GPC6: variants seen among roughly 807,000 people sequenced by gnomAD.
The protein encoded by GPC6 is glypican-6.
GPC6 carries 14 observed loss-of-function variants against 55.2 expected under a neutral mutation model. That is an observed-to-expected ratio of 0.25 (90% CI 0.17 to 0.40). The LOEUF is 0.40. Among genes scored for constraint, GPC6 ranks in the 10% least tolerant of loss-of-function variants. The pLI is 1.00. For synonymous variants in GPC6, 278 were observed against 259.6 expected (o/e 1.07, Z -0.68); for missense variants, 641 against 708.5 (o/e 0.90, Z 1.08).
At chr13:93,546,732 T>A (rs1416810542) in intron 2 of GPC6, among the ~76,000 whole-genome samples, 1 of 152,198 alleles carries the variant, frequency 6.6e-6, no homozygotes, top group Admixed American at 6.5e-5. Flanking sequence ...ACTCTGTGTT[T>A]GGAGGACTAC....
chr13:93,337,955 G>A (rs1188026356), intron 1 of GPC6, among the ~76,000 whole-genome samples: 2 of 152,132 alleles, frequency 1.3e-5, no homozygotes, highest in Non-Finnish European at 2.9e-5. Context: ...AATTCTCAGC[G>A]GAATTAAATT....
At chr13:93,969,179 T>C (rs1337835) in intron 3 of GPC6, among the ~76,000 whole-genome samples, 1 of 151,958 alleles carries the variant, frequency 6.6e-6, no homozygotes, top group Admixed American at 6.6e-5. Flanking sequence ...TATGGCAGCT[T>C]AGTAGTTTAA....
chr13:94,349,565 G>C, intron 6 of GPC6, among the ~76,000 whole-genome samples: 1 of 152,122 alleles, frequency 6.6e-6, no homozygotes, highest in East Asian at 1.9e-4. Context: ...GACTTTTCCA[G>C]CTTCCCATCC....
intron 4 of GPC6, among the ~76,000 whole-genome samples, chr13:94,121,278 G>A (rs1886620755): frequency 6.6e-6 from 1 of 152,120 alleles, no homozygotes; most frequent in South Asian, 2.1e-4. Context: ...GGGCCCTGTA[G>A]AAGCACAGGA....
chr13:94,290,292 G>A (rs1594136867), intron 5 of GPC6, among the ~76,000 whole-genome samples: 1 of 151,840 alleles, frequency 6.6e-6, no homozygotes. Context: ...GTGGTGGTAT[G>A]AGCCTGTAGT....
chr13:93,543,477 A>C (rs1366107613), intron 1 of GPC6, among the ~76,000 whole-genome samples: 2 of 151,900 alleles, frequency 1.3e-5, no homozygotes, highest in African/African-American at 4.8e-5. Flanking sequence ...ATATTGGTCT[A>C]AAATTCTCTT....
intron 4 of GPC6, among the ~76,000 whole-genome samples, chr13:94,122,410 A>G (rs984458229): frequency 6.6e-6 from 1 of 152,088 alleles, no homozygotes; most frequent in Admixed American, 6.6e-5. Context: ...CATTTACTCA[A>G]TATTTTAAAG....
At position 93,355,234 on chromosome 13, in the gene GPC6, G is replaced by A. The variant is rs554469067; in HGVS notation, c.160+127618G>A. On this transcript the variant is annotated intron_variant, in intron 1 of 8. Transcript: ENST00000377047. The stretch of plus-strand genomic sequence containing the variant: ...TTGTACTCAAGATAAAAGCATTTTC[G>A]GGGGATAAATAGCCATTTTCTGCTG... Among the ~76,000 whole-genome samples, 11 of 152,200 alleles carry A rather than the reference G, an allele frequency of 7.2e-5. No homozygotes were observed. In the South Asian group the frequency reaches 1.5e-3, roughly 20 times the overall value.
intron 3 of GPC6, among the ~76,000 whole-genome samples, chr13:93,857,867 A>G (rs112558382): frequency 0.013 from 2,016 of 151,626 alleles, 25 homozygotes; most frequent in Non-Finnish European, 0.021. Flanking sequence ...AATACAGACT[A>G]TAAATAATAT....
At chr13:93,423,956 G>A (rs554238585) in intron 1 of GPC6, among the ~76,000 whole-genome samples, 27 of 152,170 alleles carry the variant, frequency 1.8e-4, no homozygotes, top group South Asian at 1.2e-3. Flanking sequence ...TACAACTTCC[G>A]TATCTGGTGG....
At chr13:93,485,046 T>C (rs1437269758) in intron 1 of GPC6, among the ~76,000 whole-genome samples, 2 of 152,186 alleles carry the variant, frequency 1.3e-5, no homozygotes, top group African/African-American at 4.8e-5. Context: ...TATTTACAGC[T>C]TGATGTGATA....
At chr13:93,216,879 G>T in the GPC6 span, among the ~76,000 whole-genome samples, 1 of 152,110 alleles carries the variant, frequency 6.6e-6, no homozygotes, top group East Asian at 1.9e-4. Flanking sequence ...AATAAAGGAG[G>T]TTCCATTTCT....
chr13:93,578,317 G>A (rs1876764686), intron 2 of GPC6, among the ~76,000 whole-genome samples: 1 of 152,006 alleles, frequency 6.6e-6, no homozygotes, highest in Non-Finnish European at 1.5e-5. Flanking sequence ...CAGCAGGGAA[G>A]CCACAGTTCC....
intron 1 of GPC6, among the ~76,000 whole-genome samples, chr13:93,404,387 C>T (rs1876208296): frequency 6.6e-6 from 1 of 152,142 alleles, no homozygotes; most frequent in Admixed American, 6.5e-5. Flanking sequence ...GGCTTTTACT[C>T]ATGGCAGTGG....
intron 6 of GPC6, among the ~76,000 whole-genome samples, chr13:94,337,967 G>A (rs550609688): frequency 3.3e-5 from 5 of 152,240 alleles, no homozygotes; most frequent in East Asian, 1.9e-4. Context: ...GAGGGCACAC[G>A]CTAAGTTTGG....
At chr13:94,124,816 A>G (rs1886751231) in intron 4 of GPC6, among the ~76,000 whole-genome samples, 1 of 152,106 alleles carries the variant, frequency 6.6e-6, no homozygotes, top group Admixed American at 6.6e-5. Context: ...TGAATAATAT[A>G]AAGACACAAC....
chr13:93,223,082 C>G (rs1195598323), upstream of GPC6, among the ~76,000 whole-genome samples: 1 of 129,678 alleles, frequency 7.7e-6, no homozygotes, highest in Non-Finnish European at 1.6e-5. Flanking sequence ...ATGGGTCTTA[C>G]ACCCACCCCT....
chr13:94,377,568 A>C (rs1879940146), intron 6 of GPC6, among the ~76,000 whole-genome samples: 1 of 149,190 alleles, frequency 6.7e-6, no homozygotes, highest in African/African-American at 2.4e-5. Context: ...GAGGATGTGG[A>C]GAAATAGGAA....
At chr13:93,699,673 A>G (rs759456037) in intron 2 of GPC6, among the ~76,000 whole-genome samples, 4 of 152,230 alleles carry the variant, frequency 2.6e-5, no homozygotes, top group Non-Finnish European at 4.4e-5. Flanking sequence ...TACATAGATC[A>G]TATGCTTTCT....
Sources: gnomAD v4.1 joint callset for allele counts (sites outside exome capture counted in the v4.1 genomes callset) on GRCh38, gnomAD v4.1.1 for gene constraint, MANE v1.5 for transcripts, NCBI Gene and HGNC (gene_info 2026-07-23, HGNC 2026-07-21) for gene names.